Variants in PLD5 observed in about 807,000 individuals in gnomAD.
PLD5 encodes inactive phospholipase D5.
In PLD5, 36 loss-of-function variants were observed where a neutral mutation model predicts 61.1. The observed-to-expected ratio is 0.59, with a 90% CI of 0.45 to 0.78. PLD5 has a LOEUF of 0.78. Ranked by LOEUF, PLD5 falls within the 30% of genes least tolerant of loss-of-function variation. The probability of loss-of-function intolerance (pLI) is 0.00; values close to 1 mark genes in which losing one functional copy is unlikely to be tolerated. For missense variants in PLD5, 515 were observed against 644.4 expected (o/e 0.80, Z 2.17); for synonymous variants, 243 against 242.8 (o/e 1.00, Z -0.01).
intron 1 of PLD5, among the ~76,000 whole-genome samples, chr1:242,434,714 C>T (rs1665902232): frequency 6.6e-6 from 1 of 152,064 alleles, no homozygotes; most frequent in Non-Finnish European, 1.5e-5. Context: ...CCCAGCTTCA[C>T]GTCATTCTCC....
chr1:242,163,305 G>A (rs1007738766), intron 5 of PLD5, among the ~76,000 whole-genome samples: 31 of 151,852 alleles, frequency 2.0e-4, no homozygotes, highest in African/African-American at 2.7e-4. Flanking sequence ...CACCACGCCC[G>A]GCTAATTTTT....
intron 1 of PLD5, among the ~76,000 whole-genome samples, chr1:242,354,437 T>G (rs543584299): frequency 6.6e-6 from 1 of 152,192 alleles, no homozygotes; most frequent in South Asian, 2.1e-4. Context: ...GCCGTGCTCT[T>G]CAAGGAGAAG....
chr1:242,091,263 G>A (rs999410997), intron 9 of PLD5, among the ~76,000 whole-genome samples: 2 of 152,132 alleles, frequency 1.3e-5, no homozygotes, highest in Non-Finnish European at 2.9e-5. Flanking sequence ...TATGAATTTT[G>A]GAGGGACACG....
intron 9 of PLD5, among the ~76,000 whole-genome samples, chr1:242,092,647 A>T (rs573890799): frequency 6.6e-5 from 10 of 152,270 alleles, no homozygotes; most frequent in African/African-American, 2.4e-4. Context: ...GTTTCGCTGC[A>T]GAAATCACTA....
At chr1:242,343,276 T>A (rs939705050) in intron 2 of PLD5, among the ~76,000 whole-genome samples, 5 of 151,912 alleles carry the variant, frequency 3.3e-5, no homozygotes, top group African/African-American at 4.8e-5. Flanking sequence ...CAGCAAAGGT[T>A]GAACTGCGTA....
chr1:242,189,320 C>A (rs1418297946), intron 5 of PLD5, among the ~76,000 whole-genome samples: 1 of 151,786 alleles, frequency 6.6e-6, no homozygotes, highest in Non-Finnish European at 1.5e-5. Context: ...GTGGCGGGCA[C>A]CTGTAATCCC....
chr1:242,126,393 T>C (rs532051296), intron 5 of PLD5, among the ~76,000 whole-genome samples: 2 of 152,258 alleles, frequency 1.3e-5, no homozygotes, highest in Admixed American at 1.3e-4. Context: ...AGGCATCACA[T>C]TACCTGATTT....
At chr1:242,510,641 C>T (rs1045477171) in intron 1 of PLD5, among the ~76,000 whole-genome samples, 18 of 151,912 alleles carry the variant, frequency 1.2e-4, no homozygotes, top group South Asian at 2.1e-4. Flanking sequence ...GTCAGGAGAT[C>T]GAGACCATTC....
At chr1:242,479,557 A>T (rs1228166993) in intron 1 of PLD5, among the ~76,000 whole-genome samples, 1 of 152,208 alleles carries the variant, frequency 6.6e-6, no homozygotes, top group Admixed American at 6.5e-5. Flanking sequence ...CCGTAAAGAC[A>T]TACTATATGG....
At chr1:242,276,283 C>T (rs1674405891) in intron 3 of PLD5, among the ~76,000 whole-genome samples, 1 of 151,056 alleles carries the variant, frequency 6.6e-6, no homozygotes, top group African/African-American at 2.4e-5. Context: ...TGAAGGTGAG[C>T]TTATGATTGT....
Position 242,256,768 on chromosome 1 carries a change from ATCT to A in PLD5, c.607+8566_607+8568del, listed in dbSNP as rs1558403232. Among the ~76,000 whole-genome samples the A allele has an allele frequency of 1.1e-4, 17 of 151,628 alleles. No homozygotes were observed. Among genetic ancestry groups the A allele is most frequent in the African/African-American group, 3.6e-4 (15 of 41,202 alleles). On this transcript the variant is annotated intron_variant, in intron 4 of 9. Transcript: ENST00000536534. This position sits in a 1 kb window ranked among gnomAD's most constrained non-coding sequence, Gnocchi z 5.7. ...CTATCATCTATCTATCTATCTATCT[ATCT>A]ATCTATCTATCTATCTATCTATCTA...
rs1558525435 is a variant in PLD5 at position 242,394,178 on chromosome 1, ATATGAGTATATATGAGTATATATATGTG to A, written c.190-45964_190-45937del. ...TATATATGAGTATATATATGTGTAT[ATATGAGTATATATGAGTATATATATGTG>A]TATATGAGTATATATATGTGTATAT... is the stretch of plus-strand genomic sequence containing the variant. On this transcript the variant is annotated intron_variant, in intron 1 of 9. Transcript: ENST00000536534. Among the ~76,000 whole-genome samples, 358 of 74,144 alleles carry A rather than the reference ATATGAGTATATATGAGTATATATATGTG, an allele frequency of 4.8e-3. 75 individuals are homozygous for A. Among genetic ancestry groups the A allele is most frequent in the African/African-American group, 0.019 (269 of 14,486 alleles). 48.6% of individuals were successfully genotyped at this position (74,144 alleles called of 152,430 possible).
intron 4 of PLD5, among the ~76,000 whole-genome samples, chr1:242,239,451 C>G (rs993631636): frequency 6.6e-6 from 1 of 152,168 alleles, no homozygotes; most frequent in Non-Finnish European, 1.5e-5. Context: ...TTATAACCAT[C>G]GGAATTATCA....
intron 1 of PLD5, among the ~76,000 whole-genome samples, chr1:242,467,660 T>C (rs141950668): frequency 6.6e-6 from 1 of 152,260 alleles, no homozygotes; most frequent in East Asian, 1.9e-4. Context: ...CACTGTGCAA[T>C]GATGGGAAAA....
intron 1 of PLD5, among the ~76,000 whole-genome samples, chr1:242,390,119 C>T (rs970125154): frequency 2.0e-5 from 3 of 151,252 alleles, no homozygotes; most frequent in Non-Finnish European, 2.9e-5. Context: ...AGTGCAGTGG[C>T]GCCATCTCAG....
intron 9 of PLD5, among the ~76,000 whole-genome samples, chr1:242,098,977 GTGCC>G (rs1279723529): frequency 6.6e-6 from 1 of 152,164 alleles, no homozygotes; most frequent in Non-Finnish European, 1.5e-5. Flanking sequence ...CTACTGGGGG[GTGCC>G]TCCCAGTTAG....
intron 3 of PLD5, among the ~76,000 whole-genome samples, chr1:242,272,444 A>G (rs1200727780): frequency 6.6e-6 from 1 of 152,128 alleles, no homozygotes; most frequent in Non-Finnish European, 1.5e-5. Context: ...AAATCCCCTT[A>G]AAACAATTTT....
intron 5 of PLD5, among the ~76,000 whole-genome samples, chr1:242,183,433 C>T (rs528110885): frequency 1.1e-4 from 16 of 152,234 alleles, no homozygotes; most frequent in South Asian, 8.3e-4. Context: ...AACCCACCGC[C>T]GGTCATGGTG....
intron 5 of PLD5, among the ~76,000 whole-genome samples, chr1:242,131,493 G>A (rs555551132): frequency 1.3e-5 from 2 of 152,240 alleles, no homozygotes; most frequent in South Asian, 2.1e-4. Context: ...TATAGTGCTC[G>A]CTGTGCTCCA....
Sources: allele counts gnomAD v4.1 joint callset (sites outside exome capture counted in the v4.1 genomes callset), GRCh38; gene constraint gnomAD v4.1.1; non-coding constraint Gnocchi (gnomAD v3.1); transcripts MANE v1.5; gene names NCBI Gene and HGNC (gene_info 2026-07-23, HGNC 2026-07-21).